Variants in RASGEF1C observed in about 807,000 individuals in gnomAD.
The protein encoded by RASGEF1C is RasGEF domain family member 1C, also known as ras-GEF domain-containing family member 1C.
A neutral mutation model predicts 58.1 loss-of-function variants in RASGEF1C; 27 were observed. That is an observed-to-expected ratio of 0.46 (90% CI 0.34 to 0.64). The LOEUF is 0.64. Among genes scored for constraint, RASGEF1C ranks in the 30% least tolerant of loss-of-function variants. RASGEF1C has a pLI of 0.01. For synonymous variants in RASGEF1C, 243 were observed against 246.3 expected, an observed-to-expected ratio of 0.99 and a Z score of 0.13; for missense variants, 502 against 605.1, an observed-to-expected ratio of 0.83 and a Z score of 1.79.
chr5:180,136,537 C>T lies in RASGEF1C; in HGVS notation c.301-22G>A, dbSNP rs77168853. 4.1e-3 allele frequency: 6,402 copies of T among 1,562,400 alleles called. 190 individuals carry two copies. The African/African-American group carries it at 0.068, about 17-fold the overall frequency. ...GGGCCTACGGGCAAGCGAGGGGCACCGCGCTCGTGAGGGGCGCCGGGTGGG... is the reference window on the plus strand; with the variant it reads ...GGGCCTACGGGCAAGCGAGGGGCACTGCGCTCGTGAGGGGCGCCGGGTGGG... On this transcript the variant is annotated intron_variant, in intron 3 of 13. Transcript: ENST00000361132.
At chr5:180,203,231 G>C (rs559894283) in intron 1 of RASGEF1C, among the ~76,000 whole-genome samples, 22 of 152,274 alleles carry the variant, frequency 1.4e-4, no homozygotes, top group African/African-American at 5.1e-4. Context: ...AAAGATGATA[G>C]GATATCACTA....
chr5:180,147,441 T>C (rs960186346), intron 1 of RASGEF1C, among the ~76,000 whole-genome samples: 1 of 152,184 alleles, frequency 6.6e-6, no homozygotes, highest in Non-Finnish European at 1.5e-5. Context: ...TTTACAGCTA[T>C]AAATTTTCCA....
rs1561752515 is a variant in RASGEF1C, at chr5:180,177,093, C to A, written c.-7+31935G>T. 6.6e-6 allele frequency among the ~76,000 whole-genome samples: 1 copy of A among 152,092 alleles called. No homozygotes were observed. The highest frequency in any genetic ancestry group is 2.4e-5 in the African/African-American group (1 of 41,434). On this transcript the variant is annotated intron_variant, in intron 1 of 13. Transcript: ENST00000361132. This position sits in a 1 kb window ranked among gnomAD's most constrained non-coding sequence, Gnocchi z 5.0. Reference sequence around the variant, plus strand: ...TCCAAGGGACGGCAACTTTTGCCAGCATGGAGGAGGACCAGGGTGAGAGGT... The same window carrying A: ...TCCAAGGGACGGCAACTTTTGCCAGAATGGAGGAGGACCAGGGTGAGAGGT...
intron 1 of RASGEF1C, among the ~76,000 whole-genome samples, chr5:180,191,947 C>T (rs905990570): frequency 4.6e-5 from 7 of 152,154 alleles, no homozygotes; most frequent in African/African-American, 9.6e-5. Context: ...TGGCAGCATT[C>T]GTTTTCTTCT....
intron 1 of RASGEF1C, among the ~76,000 whole-genome samples, chr5:180,170,557 G>T (rs114187354): frequency 6.6e-6 from 1 of 152,086 alleles, no homozygotes; most frequent in East Asian, 1.9e-4. Flanking sequence ...GCCTGTCCCC[G>T]CGGAGCCCCC....
At chr5:180,165,599 A>T (rs145907830) in intron 1 of RASGEF1C, among the ~76,000 whole-genome samples, 23,952 of 151,252 alleles carry the variant, frequency 0.16, 2,060 homozygotes, top group African/African-American at 0.2. Context: ...TGAACCCAGG[A>T]AGTGGAGGTT....
At chr5:180,118,325 G>A (rs1204625783) in intron 10 of RASGEF1C, among the ~76,000 whole-genome samples, 1 of 151,878 alleles carries the variant, frequency 6.6e-6, no homozygotes, top group African/African-American at 2.4e-5. Flanking sequence ...CTGGTGAGCA[G>A]AAGACGAAGT....
At chr5:180,179,595 T>C (rs1767288980) in intron 1 of RASGEF1C, among the ~76,000 whole-genome samples, 1 of 152,128 alleles carries the variant, frequency 6.6e-6, no homozygotes, top group Non-Finnish European at 1.5e-5. Flanking sequence ...ATACAGCAGC[T>C]GCCAGGGTGA....
chr5:180,104,227 C>T (rs1765841473), intron 12 of RASGEF1C, among the ~76,000 whole-genome samples: 1 of 151,976 alleles, frequency 6.6e-6, no homozygotes. Flanking sequence ...AAACATAATC[C>T]CGAATGCAAC....
chr5:180,209,116 G>GCCGCCGCCGACCGGGGCGCCGC lies in RASGEF1C; in HGVS notation c.-96_-95insGCGGCGCCCCGGTCGGCGGCGG, dbSNP rs1756554261. 1 of 1,272 alleles carries GCCGCCGCCGACCGGGGCGCCGC rather than the reference G, an allele frequency of 7.9e-4. No homozygotes were observed. Among genetic ancestry groups the GCCGCCGCCGACCGGGGCGCCGC allele is most frequent in the South Asian group, 3.0e-3 (1 of 332 alleles). The allele number at this position is 1,272 out of a possible 1,614,324, so 0.1% of individuals were successfully genotyped here. On this transcript the variant is annotated 5_prime_UTR_variant, in exon 1 of 14. Coordinates refer to ENST00000361132, the MANE Select transcript of RASGEF1C (RefSeq NM_175062.4). ...GCCGCGGACCGGGGCGCCGCCCGCC[G>GCCGCCGCCGACCGGGGCGCCGC]CCGCCGCCGCCGCCGCCGCCGCCGC...
chr5:180,174,524 G>T (rs1003816099), intron 1 of RASGEF1C, among the ~76,000 whole-genome samples: 1 of 128,414 alleles, frequency 7.8e-6, no homozygotes, highest in African/African-American at 2.8e-5. Flanking sequence ...GCGTACACAC[G>T]TGTGTCTCTG....
At chr5:180,116,056 T>C (rs1766061097) in intron 10 of RASGEF1C, among the ~76,000 whole-genome samples, 2 of 152,104 alleles carry the variant, frequency 1.3e-5, no homozygotes, top group Non-Finnish European at 1.5e-5. Context: ...CTGGGCTTCC[T>C]GGAGGCAGTG....
intron 12 of RASGEF1C, among the ~76,000 whole-genome samples, chr5:180,102,803 C>T (rs531815871): frequency 1.3e-4 from 20 of 152,286 alleles, no homozygotes; most frequent in Admixed American, 3.9e-4. Flanking sequence ...ACGACCATAG[C>T]GCTATCATAT....
Position 180,193,540 on chromosome 5 carries a change from C to T in RASGEF1C, c.-7+15488G>A, listed in dbSNP as rs9329101. ...AAGGATTGAAGAGCCCAGCCAGGAC[C>T]GGGGGACTCAACAGGACAAGTGTTC... On this transcript the variant is annotated intron_variant, in intron 1 of 13. Transcript: ENST00000361132. Among the ~76,000 whole-genome samples the T allele has an allele frequency of 7.2e-3, 1,100 of 152,138 alleles. 17 individuals carry two copies. The highest frequency in any genetic ancestry group is 0.025 in the African/African-American group (1,045 of 41,502).
chr5:180,149,363 G>A (rs62406062), intron 1 of RASGEF1C, among the ~76,000 whole-genome samples: 20,899 of 151,610 alleles, frequency 0.14, 1,683 homozygotes, highest in Middle Eastern at 0.19. Flanking sequence ...TGGGATTACA[G>A]GTTATAGGTG....
At chr5:180,150,818 C>T (rs1015338620) in intron 1 of RASGEF1C, among the ~76,000 whole-genome samples, 5 of 152,068 alleles carry the variant, frequency 3.3e-5, no homozygotes, top group Middle Eastern at 3.4e-3. Context: ...TAGAAAACCC[C>T]ATCGTCTCAG....
At chr5:180,172,059 G>A (rs4700892) in intron 1 of RASGEF1C, among the ~76,000 whole-genome samples, 152,181 of 152,348 alleles carry the variant, frequency 1, 76,007 homozygotes, top group Middle Eastern at 1. Flanking sequence ...ACATTCATAG[G>A]AATAAAAATA....
rs554443366 is a variant in RASGEF1C at position 180,161,566 on chromosome 5, G to A, written c.-6-23508C>T. Among the ~76,000 whole-genome samples the A allele has an allele frequency of 2.0e-5, 3 of 152,358 alleles. No homozygotes were observed. The East Asian group carries it at 5.8e-4, about 29-fold the overall frequency. On this transcript the variant is annotated intron_variant, in intron 1 of 13. Transcript: ENST00000361132. ...TGGTCCTGGACGCCAGCCCAGGGAG[G>A]GCAGATGTCTGCACTGACTGGGATC...
At position 180,190,484 on chromosome 5, in the gene RASGEF1C, C is replaced by T. The variant is rs558275910; in HGVS notation, c.-7+18544G>A. On this transcript the variant is annotated intron_variant, in intron 1 of 13. Transcript: ENST00000361132. ...CAGACTGGGTGACAGAGTGAGACTC[C>T]GTCTCAAAAAAAAAAAAAAAAAAAT... Among the ~76,000 whole-genome samples, 300 of 68,710 alleles carry T rather than the reference C, an allele frequency of 4.4e-3. 104 individuals carry two copies. The highest frequency in any genetic ancestry group is 0.018 in the East Asian group (28 of 1,538). 45.1% of individuals were successfully genotyped at this position (68,710 alleles called of 152,430 possible).
Sources: gnomAD v4.1 joint callset for allele counts (sites outside exome capture counted in the v4.1 genomes callset) on GRCh38, gnomAD v4.1.1 for gene constraint, Gnocchi (gnomAD v3.1) non-coding constraint, MANE v1.5 for transcripts, NCBI Gene and HGNC (gene_info 2026-07-23, HGNC 2026-07-21) for gene names.